GALNT14: variants seen among roughly 807,000 people sequenced by gnomAD.
GALNT14 encodes UDP-GalNAc:polypeptide N-acetylgalactosaminyltransferase 14.
GALNT14 carries 60 observed loss-of-function variants against 77.5 expected under a neutral mutation model. The observed-to-expected ratio is 0.77, with a 90% confidence interval of 0.63 to 0.96. GALNT14 has a LOEUF of 0.96. Among genes scored for constraint, GALNT14 ranks in the 40% least tolerant of loss-of-function variants. The pLI, the probability that GALNT14 is intolerant of heterozygous loss-of-function variation, is 0.00. For missense variants in GALNT14, 710 were observed against 731.0 expected (o/e 0.97, Z 0.33); for synonymous variants, 280 against 281.7 (o/e 0.99, Z 0.06).
intron 1 of GALNT14, among the ~76,000 whole-genome samples, chr2:31,051,020 G>A (rs114380132): frequency 0.012 from 1,815 of 152,142 alleles, 16 homozygotes; most frequent in Middle Eastern, 0.031. Context: ...GCGCCACCTC[G>A]GAGAAACCAC....
At chr2:31,001,610 CA>C (rs1416901601) in intron 1 of GALNT14, among the ~76,000 whole-genome samples, 6 of 151,990 alleles carry the variant, frequency 3.9e-5, no homozygotes, top group African/African-American at 1.5e-4. Flanking sequence ...CAAAGCTCAT[CA>C]AAAGATGAAA....
chr2:31,075,583 C>A (rs1675723085), intron 1 of GALNT14, among the ~76,000 whole-genome samples: 1 of 152,206 alleles, frequency 6.6e-6, no homozygotes, highest in Non-Finnish European at 1.5e-5. Context: ...CAGGAAGAGG[C>A]TCAGCTGGCC....
At chr2:31,013,516 G>GCAA (rs1374072565) in intron 1 of GALNT14, among the ~76,000 whole-genome samples, 1 of 152,184 alleles carries the variant, frequency 6.6e-6, no homozygotes, top group African/African-American at 2.4e-5. Flanking sequence ...GGATAATGAA[G>GCAA]CAACACCCAC....
chr2:30,905,249 G>A, the GALNT14 span, among the ~76,000 whole-genome samples: 1 of 152,248 alleles, frequency 6.6e-6, no homozygotes, highest in East Asian at 1.9e-4. Context: ...GCCTTCAGAC[G>A]ATCAAATTAC....
intron 9 of GALNT14, among the ~76,000 whole-genome samples, chr2:30,935,571 T>G (rs1666004081): frequency 6.6e-6 from 1 of 152,204 alleles, no homozygotes; most frequent in South Asian, 2.1e-4. Flanking sequence ...CATGGATCGC[T>G]GTGCTGCTGC....
At chr2:31,051,464 C>T (rs1019500576) in intron 1 of GALNT14, among the ~76,000 whole-genome samples, 3 of 152,192 alleles carry the variant, frequency 2.0e-5, no homozygotes, top group Admixed American at 1.3e-4. Flanking sequence ...ACACAGAACC[C>T]CTGTCTGAGA....
chr2:30,940,578 T>C (rs1362187253), intron 9 of GALNT14, among the ~76,000 whole-genome samples: 7 of 152,230 alleles, frequency 4.6e-5, no homozygotes, highest in Non-Finnish European at 1.0e-4. Context: ...CTGCTGTCTA[T>C]AAGAAATGCT....
At chr2:31,052,379 A>G (rs985570906) in intron 1 of GALNT14, among the ~76,000 whole-genome samples, 7 of 152,206 alleles carry the variant, frequency 4.6e-5, no homozygotes, top group African/African-American at 1.4e-4. Flanking sequence ...GAGAGGTCAC[A>G]TCCTAGGGGT....
In GALNT14 at chr2:30,961,494, T is replaced by G. The variant is rs995532039; in HGVS notation, c.399-3030A>C. On this transcript the variant is annotated intron_variant, in intron 3 of 14. Transcript: ENST00000349752. Reference sequence around the variant, plus strand: ...ATTTCCTCAGCTGTGTGAAAGGAGCTCACCATGCCTGGCACACAGCAGCTG... The same window carrying G: ...ATTTCCTCAGCTGTGTGAAAGGAGCGCACCATGCCTGGCACACAGCAGCTG... 5.3e-5 allele frequency among the ~76,000 whole-genome samples: 8 copies of G among 152,268 alleles called. No homozygotes were observed. In the East Asian group the frequency reaches 9.7e-4, roughly 18 times the overall value.
At chr2:31,071,387 G>A (rs1030214419) in intron 1 of GALNT14, among the ~76,000 whole-genome samples, 6 of 152,204 alleles carry the variant, frequency 3.9e-5, no homozygotes, top group African/African-American at 1.4e-4. Flanking sequence ...AGCATCCAGA[G>A]GATAATGGAG....
chr2:30,948,388 C>A (rs1173037300), intron 6 of GALNT14, among the ~76,000 whole-genome samples: 1 of 152,208 alleles, frequency 6.6e-6, no homozygotes, highest in Non-Finnish European at 1.5e-5. Context: ...GGGCTGTGGG[C>A]TACACCAGAT....
rs115320661 is a variant in GALNT14, at chr2:30,994,924, G to T, written c.130-1917C>A. Among the ~76,000 whole-genome samples, 989 of 152,264 alleles carry T rather than the reference G, an allele frequency of 6.5e-3. 9 individuals carry two copies. The highest frequency in any genetic ancestry group is 0.037 in the Middle Eastern group (11 of 294). ...CCGCAAAGTGAGTTCAATTACATGA[G>T]CACGATGACAAGGCTATGAGAGCAG... On this transcript the variant is annotated intron_variant, in intron 1 of 14. Transcript: ENST00000349752.
At chr2:31,015,397 G>T (rs901097163) in intron 1 of GALNT14, among the ~76,000 whole-genome samples, 1 of 151,814 alleles carries the variant, frequency 6.6e-6, no homozygotes. Context: ...ATCCACTCCT[G>T]ACAGGAGAAT....
chr2:31,127,389 T>C (rs944103189), intron 1 of GALNT14, among the ~76,000 whole-genome samples: 15 of 152,224 alleles, frequency 9.9e-5, no homozygotes, highest in African/African-American at 3.6e-4. Context: ...AGAAGAATAC[T>C]TCATGCGATG....
chr2:31,060,623 C>T (rs1200500130), intron 1 of GALNT14, among the ~76,000 whole-genome samples: 1 of 152,210 alleles, frequency 6.6e-6, no homozygotes, highest in East Asian at 1.9e-4. Flanking sequence ...TCTAGCTGCA[C>T]CTTTAATCGG....
At chr2:31,050,224 C>T (rs1171334387) in intron 1 of GALNT14, among the ~76,000 whole-genome samples, 1 of 152,194 alleles carries the variant, frequency 6.6e-6, no homozygotes, top group Non-Finnish European at 1.5e-5. Context: ...TCAGCAACAG[C>T]CAGCTTGTTA....
intron 2 of GALNT14, among the ~76,000 whole-genome samples, chr2:30,970,447 G>A (rs997267998): frequency 2.0e-5 from 3 of 152,154 alleles, no homozygotes; most frequent in Non-Finnish European, 4.4e-5. Context: ...AGCACGTGGT[G>A]TTTAAAGGGT....
At chr2:31,097,496 T>G (rs755383429) in intron 1 of GALNT14, among the ~76,000 whole-genome samples, 1 of 148,296 alleles carries the variant, frequency 6.7e-6, no homozygotes, top group Non-Finnish European at 1.5e-5. Flanking sequence ...GCCCCTGCAG[T>G]CATCGAGCAC....
At chr2:31,119,691 A>G (rs1184926346) in intron 1 of GALNT14, among the ~76,000 whole-genome samples, 1 of 152,238 alleles carries the variant, frequency 6.6e-6, no homozygotes, top group African/African-American at 2.4e-5. Flanking sequence ...CCACTCCTCA[A>G]AAGTTATACT....
Sources: allele counts gnomAD v4.1 joint callset (sites outside exome capture counted in the v4.1 genomes callset), GRCh38; gene constraint gnomAD v4.1.1; transcripts MANE v1.5; gene names NCBI Gene and HGNC (gene_info 2026-07-23, HGNC 2026-07-21).